The following STN1 variants were observed in gnomAD, a reference collection of about 807,000 sequenced individuals.
The protein encoded by STN1 is STN1 subunit of CST complex.
Under a neutral mutation model 45.5 loss-of-function variants are expected in STN1, and 29 were observed. The ratio of observed to expected loss-of-function variants is 0.64; its 90% CI spans 0.47 to 0.87. The LOEUF is 0.87. Ranked by LOEUF, STN1 falls within the 40% of genes least tolerant of loss-of-function variation. The pLI is 0.00. For synonymous variants in STN1, 148 were observed against 159.0 expected (o/e 0.93, Z 0.52); for missense variants, 376 against 441.4 (o/e 0.85, Z 1.33).
At chr10:103,899,934 A>T in intron 5 of STN1, 128 bp downstream of exon 5, 2 of 692,444 alleles carry the variant, frequency 2.9e-6, no homozygotes, top group Non-Finnish European at 4.9e-6. Flanking sequence ...TAAACAATGT[A>T]ATTCACTCAT....
intron 7 of STN1, among the ~76,000 whole-genome samples, chr10:103,896,938 T>C (rs951489765): frequency 2.0e-5 from 3 of 152,134 alleles, no homozygotes; most frequent in African/African-American, 7.2e-5. Context: ...AGATGGATGT[T>C]TAATCTCAGC....
In STN1 at chr10:103,917,564, C is replaced by G. The variant is rs906283250; in HGVS notation, c.31G>C (p.Glu11Gln). 1.9e-6 allele frequency: 3 copies of G among 1,614,162 alleles called. No individual in the cohort carries two copies. The highest frequency in any genetic ancestry group is 2.5e-6 in the Non-Finnish European group (3 of 1,180,010). ...AAACCCCACAAGAGGGAAGGGGTCT[C>G]CTCTTCACACCGGCTGGATCCAGGC... MQPGSSRCEEETPSLLWGLDP... is the reference protein window; with the variant it reads MQPGSSRCEEQTPSLLWGLDP... The change falls in exon 2 of 10, where the codon GAG (glutamate) becomes CAG (glutamine). Residue 11 changes from glutamate (E) to glutamine (Q), a missense_variant. By Grantham distance (29) the Glu-to-Gln change is conservative. Transcript: ENST00000224950.
intron 3 of STN1, among the ~76,000 whole-genome samples, chr10:103,910,171 A>T: frequency 6.6e-6 from 1 of 152,200 alleles, no homozygotes; most frequent in East Asian, 1.9e-4. Context: ...TCGCTTTTTA[A>T]AGTGATCCAC....
intron 9 of STN1, among the ~76,000 whole-genome samples, chr10:103,883,935 CA>C (rs1221424918): frequency 6.6e-6 from 1 of 151,624 alleles, no homozygotes; most frequent in Non-Finnish European, 1.5e-5. Context: ...ACTAAAAATA[CA>C]AAAATTAGCC....
At chr10:103,915,017 TCA>T (rs759822072) in intron 2 of STN1, among the ~76,000 whole-genome samples, 63 of 152,262 alleles carry the variant, frequency 4.1e-4, no homozygotes, top group Admixed American at 1.4e-3. Context: ...CTCACAGGAC[TCA>T]GGAAGGTGCT....
chr10:103,916,520 G>A (rs1033532205), intron 2 of STN1, among the ~76,000 whole-genome samples: 4 of 152,146 alleles, frequency 2.6e-5, no homozygotes, highest in African/African-American at 9.7e-5. Context: ...CATTTAACTG[G>A]AAACAAACAA....
rs777102515 is a variant in STN1, at chr10:103,898,884, C to T, written c.574G>A (p.Ala192Thr). ...FHSSALEKEE[A>T]LSNPGALDLP... is the part of the protein sequence containing the mutation. ...TGATAAGTCACCACTTACCTTAGTG[C>T]CTCTTCTTTCTCTAGGGCTGAGCTG... Residue 192 changes from alanine to threonine, a missense_variant, in exon 6 of 10, where the codon GCA (alanine) becomes ACA (threonine). By Grantham distance (58) the Ala-to-Thr change is moderately conservative (BLOSUM62 0). Coordinates refer to ENST00000224950, the MANE Select transcript of STN1 (RefSeq NM_024928.5). 2.9e-5 allele frequency: 47 copies of T among 1,613,660 alleles called. 1 individual carries two copies. In the Admixed American group the frequency reaches 7.8e-4, roughly 27 times the overall value.
intron 3 of STN1, among the ~76,000 whole-genome samples, chr10:103,905,402 T>C (rs770570082): frequency 6.6e-6 from 1 of 152,236 alleles, no homozygotes; most frequent in Admixed American, 6.5e-5. Context: ...TCACTTATCC[T>C]ACCTCAAGGT....
intron 6 of STN1, 63 bp from the exon 7 acceptor site, chr10:103,897,782 A>T: frequency 6.5e-7 from 1 of 1,547,578 alleles, no homozygotes; most frequent in Non-Finnish European, 8.8e-7. Context: ...TTTTTGGTGT[A>T]TAAAAACCAG....
intron 8 of STN1, among the ~76,000 whole-genome samples, chr10:103,890,640 C>T (rs1195964128): frequency 1.3e-5 from 2 of 152,204 alleles, no homozygotes; most frequent in East Asian, 1.9e-4. Context: ...CCCACCCGGC[C>T]TTCCCATGCC....
intron 2 of STN1, among the ~76,000 whole-genome samples, chr10:103,916,263 T>C (rs956261674): frequency 5.3e-5 from 8 of 152,240 alleles, no homozygotes; most frequent in African/African-American, 1.4e-4. Context: ...GCCCCTGTCA[T>C]GTCCTTGGTA....
intron 7 of STN1, among the ~76,000 whole-genome samples, chr10:103,894,687 C>T (rs1455737754): frequency 7.7e-6 from 1 of 129,976 alleles, no homozygotes; most frequent in Admixed American, 8.3e-5. Flanking sequence ...AAATTGCTCA[C>T]AGGCAAAAAA....
intron 2 of STN1, among the ~76,000 whole-genome samples, chr10:103,917,024 C>T (rs1326230975): frequency 6.6e-6 from 1 of 152,028 alleles, no homozygotes; most frequent in Non-Finnish European, 1.5e-5. Flanking sequence ...GATTCCATTA[C>T]ACAGGGTTAA....
chr10:103,887,438 C>T (rs998440727), intron 9 of STN1, among the ~76,000 whole-genome samples: 5 of 152,196 alleles, frequency 3.3e-5, no homozygotes, highest in Non-Finnish European at 7.3e-5. Context: ...AACACAGAAG[C>T]TGGGGCTCAG....
At chr10:103,886,884 T>C (rs1041795807) in intron 9 of STN1, among the ~76,000 whole-genome samples, 1 of 152,212 alleles carries the variant, frequency 6.6e-6, no homozygotes, top group Non-Finnish European at 1.5e-5. Context: ...GATTCAAACC[T>C]AGGCAAGGTG....
intron 7 of STN1, among the ~76,000 whole-genome samples, chr10:103,896,816 G>A (rs1256413167): frequency 2.0e-5 from 3 of 151,944 alleles, no homozygotes; most frequent in Admixed American, 6.6e-5. Context: ...GATTACAGGC[G>A]TGAGCCACTG....
At chr10:103,893,563 A>T (rs1843153889) in intron 7 of STN1, among the ~76,000 whole-genome samples, 1 of 152,218 alleles carries the variant, frequency 6.6e-6, no homozygotes, top group Non-Finnish European at 1.5e-5. Flanking sequence ...AAGCATTTGA[A>T]GGCCAAGTCC....
At chr10:103,901,197 T>C (rs1294239531) in intron 4 of STN1, among the ~76,000 whole-genome samples, 1 of 152,190 alleles carries the variant, frequency 6.6e-6, no homozygotes, top group Non-Finnish European at 1.5e-5. Context: ...GTATTCTGTT[T>C]TCCTGTCTAG....
intron 7 of STN1, among the ~76,000 whole-genome samples, chr10:103,895,724 G>A (rs1310299125): frequency 6.6e-6 from 1 of 152,224 alleles, no homozygotes; most frequent in Non-Finnish European, 1.5e-5. Context: ...TGCCCAGGAA[G>A]TCAGGATGTG....
Sources: allele counts gnomAD v4.1 joint callset (sites outside exome capture counted in the v4.1 genomes callset), GRCh38; gene constraint gnomAD v4.1.1; transcripts MANE v1.5; gene names NCBI Gene and HGNC (gene_info 2026-07-23, HGNC 2026-07-21).